Variants in CCSER1 observed in about 807,000 individuals in gnomAD.
The protein encoded by CCSER1 is coiled-coil serine rich protein 1, also known as serine-rich coiled-coil domain-containing protein 1.
CCSER1 carries 41 observed loss-of-function variants against 82.0 expected under a neutral mutation model. That is an observed-to-expected ratio of 0.50 (90% CI 0.39 to 0.65). The LOEUF is 0.65. Ranked by LOEUF, CCSER1 falls within the 30% of genes least tolerant of loss-of-function variation. CCSER1 has a pLI of 0.00. For synonymous variants in CCSER1, 414 were observed against 383.9 expected (o/e 1.08, Z -0.92); for missense variants, 1,119 against 1,064.2 (o/e 1.05, Z -0.72).
chr4:90,402,362 GT>G lies in CCSER1; in HGVS notation c.1603+2235del, dbSNP rs1752997317. On this transcript the variant is annotated intron_variant, in intron 4 of 10. Transcript: ENST00000509176. ...GATTGACTGTTACTGCAGAATTATA[GT>G]TAATTTTATTGGGTGTTGAAATGGT... 2.6e-5 allele frequency among the ~76,000 whole-genome samples: 4 copies of G among 152,172 alleles called. No homozygotes were observed. In the South Asian group the frequency reaches 8.3e-4, roughly 32 times the overall value.
rs1764902470 is a variant in CCSER1, at chr4:91,604,480, T to C, written c.*5423T>C. ...CCTCCCAGAAAAACTGACATTCTAA[T>C]TTTCTTCTCTTGAAAGCAATTAGAA... On this transcript the variant is annotated 3_prime_UTR_variant, in exon 11 of 11. Transcript: ENST00000509176. 1 of 152,102 alleles carries C rather than the reference T, an allele frequency of 6.6e-6. No individual in the cohort carries two copies. Among genetic ancestry groups the C allele is most frequent in the South Asian group, 2.1e-4 (1 of 4,834 alleles). The allele number at this position is 152,102 out of a possible 1,614,324, so 9.4% of individuals were successfully genotyped here.
At chr4:90,365,230 A>T (rs754112457) in intron 3 of CCSER1, among the ~76,000 whole-genome samples, 44 of 151,932 alleles carry the variant, frequency 2.9e-4, no homozygotes, top group Admixed American at 1.6e-3. Context: ...AATTTAAAGC[A>T]TAATACATAA....
chr4:90,196,173 G>A (rs1736564024), intron 1 of CCSER1, among the ~76,000 whole-genome samples: 1 of 150,476 alleles, frequency 6.6e-6, no homozygotes, highest in African/African-American at 2.4e-5. Context: ...GAAGTCTAAT[G>A]GATGCTTTTG....
At chr4:90,926,356 T>C (rs1729063986) in intron 9 of CCSER1, among the ~76,000 whole-genome samples, 1 of 152,002 alleles carries the variant, frequency 6.6e-6, no homozygotes, top group Non-Finnish European at 1.5e-5. Flanking sequence ...TAGCCACAAA[T>C]TGTTCTTTAC....
intron 10 of CCSER1, among the ~76,000 whole-genome samples, chr4:91,503,186 G>T (rs886976354): frequency 2.5e-4 from 38 of 151,582 alleles, no homozygotes; most frequent in African/African-American, 8.9e-4. Flanking sequence ...ATTAAAAATA[G>T]AAAAAATAAG....
Position 91,145,113 on chromosome 4 carries a change from A to G in CCSER1, c.2217+59119A>G, listed in dbSNP as rs190449806. The stretch of plus-strand genomic sequence containing the variant: ...TCTAAGTCTTTTTGTAGGTCTGGAA[A>G]TACTTGTTTATGAATCTGGGTCCTC... On this transcript the variant is annotated intron_variant, in intron 10 of 10. Transcript: ENST00000509176. Among the ~76,000 whole-genome samples, 6 of 152,198 alleles carry G rather than the reference A, an allele frequency of 3.9e-5. No homozygotes were observed. The East Asian group carries it at 7.7e-4, about 20-fold the overall frequency.
rs1470783473 is a variant in CCSER1, at chr4:90,802,195, G to A, written c.2011-13567G>A. Among the ~76,000 whole-genome samples, 4 of 150,132 alleles carry A rather than the reference G, an allele frequency of 2.7e-5. No individual in the cohort carries two copies. In the East Asian group the frequency reaches 7.8e-4, roughly 29 times the overall value. On this transcript the variant is annotated intron_variant, in intron 7 of 10. Coordinates refer to ENST00000509176, the MANE Select transcript of CCSER1 (RefSeq NM_001145065.2). The stretch of plus-strand genomic sequence containing the variant: ...ATCATGCCATTCCATTCCAGCCTGG[G>A]CAACAGAGTGAGACTCCATCTAAAA...
At chr4:90,463,927 A>G (rs1763294693) in intron 4 of CCSER1, among the ~76,000 whole-genome samples, 2 of 152,130 alleles carry the variant, frequency 1.3e-5, no homozygotes, top group East Asian at 1.9e-4. Flanking sequence ...TTTAACAATG[A>G]TTTTATAAAT....
intron 1 of CCSER1, among the ~76,000 whole-genome samples, chr4:90,161,624 A>G (rs747791080): frequency 1.5e-4 from 23 of 152,118 alleles, no homozygotes; most frequent in Non-Finnish European, 2.4e-4. Context: ...ATTGAATTAG[A>G]TAGTATATAT....
intron 1 of CCSER1, among the ~76,000 whole-genome samples, chr4:90,230,320 C>T (rs1215759827): frequency 6.6e-6 from 1 of 152,172 alleles, no homozygotes; most frequent in Admixed American, 6.5e-5. Flanking sequence ...AAGAAACTCA[C>T]TCAAAACCGC....
chr4:91,199,465 C>T (rs1042794361), intron 10 of CCSER1, among the ~76,000 whole-genome samples: 8 of 151,988 alleles, frequency 5.3e-5, no homozygotes, highest in Non-Finnish European at 7.4e-5. Context: ...GCAGTTAGCA[C>T]GAATGCATTT....
intron 9 of CCSER1, among the ~76,000 whole-genome samples, chr4:90,981,622 G>A (rs2150422295): frequency 6.6e-6 from 1 of 151,906 alleles, no homozygotes; most frequent in Non-Finnish European, 1.5e-5. Context: ...GTCACATACA[G>A]GCACTCAGTG....
chr4:91,162,844 G>T (rs377753593), intron 10 of CCSER1, among the ~76,000 whole-genome samples: 1 of 152,210 alleles, frequency 6.6e-6, no homozygotes, highest in Non-Finnish European at 1.5e-5. Context: ...AGTCTGGCTA[G>T]TGGACTATCA....
chr4:91,272,394 C>G (rs775732501), intron 10 of CCSER1, among the ~76,000 whole-genome samples: 5 of 152,054 alleles, frequency 3.3e-5, no homozygotes, highest in Non-Finnish European at 5.9e-5. Context: ...ATTTGTATAT[C>G]TTCTTTTGAG....
At chr4:91,478,038 A>G (rs1219425054) in intron 10 of CCSER1, among the ~76,000 whole-genome samples, 1 of 151,820 alleles carries the variant, frequency 6.6e-6, no homozygotes, top group Non-Finnish European at 1.5e-5. Flanking sequence ...GGTGGCAAAT[A>G]CCCAAATCAT....
chr4:90,208,105 C>T (rs1739258038), intron 1 of CCSER1, among the ~76,000 whole-genome samples: 1 of 152,204 alleles, frequency 6.6e-6, no homozygotes, highest in African/African-American at 2.4e-5. Context: ...CGCAGCCACC[C>T]CTTCCCCCAG....
intron 10 of CCSER1, among the ~76,000 whole-genome samples, chr4:91,359,828 G>A (rs1043106976): frequency 6.6e-6 from 1 of 151,858 alleles, no homozygotes; most frequent in Non-Finnish European, 1.5e-5. Context: ...AGGAATACCA[G>A]CAGTGGTGTG....
In CCSER1 at chr4:91,070,707, G is replaced by A. The variant is rs865802475; in HGVS notation, c.2173-15243G>A. ...ATGAGAATCTAATGCCTGATGATCT[G>A]AGGTTGAAAAATTTCATCCCAAAAC... is the stretch of plus-strand genomic sequence containing the variant. On this transcript the variant is annotated intron_variant, in intron 9 of 10. Transcript: ENST00000509176. Among the ~76,000 whole-genome samples the A allele has an allele frequency of 5.9e-5, 9 of 152,282 alleles. No homozygotes were observed. The South Asian group carries it at 1.2e-3, about 21-fold the overall frequency.
chr4:90,774,959 T>C (rs2149582541), intron 7 of CCSER1, among the ~76,000 whole-genome samples: 1 of 152,232 alleles, frequency 6.6e-6, no homozygotes. Flanking sequence ...GACTTAAGGA[T>C]TTAAGTTAAA....
Sources: allele counts gnomAD v4.1 joint callset (sites outside exome capture counted in the v4.1 genomes callset), GRCh38; gene constraint gnomAD v4.1.1; transcripts MANE v1.5; gene names NCBI Gene and HGNC (gene_info 2026-07-23, HGNC 2026-07-21).